ZBTB38: variants seen among roughly 807,000 people sequenced by gnomAD.
The protein encoded by ZBTB38 is zinc finger and BTB domain containing 38.
Under a neutral mutation model 76.8 loss-of-function variants are expected in ZBTB38, and 20 were observed. That is an observed-to-expected ratio of 0.26 (90% CI 0.18 to 0.38). The LOEUF (loss-of-function observed/expected upper bound fraction) is 0.38. Ranked by LOEUF, ZBTB38 falls within the 10% of genes least tolerant of loss-of-function variation. The pLI, the probability that ZBTB38 is intolerant of heterozygous loss-of-function variation, is 1.00. For synonymous variants in ZBTB38, 504 were observed against 544.2 expected (o/e 0.93, Z 1.03); for missense variants, 1,082 against 1,482.3 (o/e 0.73, Z 4.43).
At position 141,358,386 on chromosome 3, in the gene ZBTB38, C is replaced by G. The variant is rs558872686; in HGVS notation, c.-738-10235C>G. Among the ~76,000 whole-genome samples the G allele has an allele frequency of 3.3e-5, 5 of 152,216 alleles. No individual in the cohort carries two copies. In the South Asian group the frequency reaches 8.3e-4, roughly 25 times the overall value. On this transcript the variant is annotated intron_variant, in intron 1 of 7. Transcript: ENST00000509842. Reference sequence around the variant, plus strand: ...TGTGTCTGGAAGCCTTGCGATCTGTCCAATTGTCTGCCATATAGGGAAGTC... The same window carrying G: ...TGTGTCTGGAAGCCTTGCGATCTGTGCAATTGTCTGCCATATAGGGAAGTC...
At chr3:141,415,384 A>T (rs965578981) in intron 5 of ZBTB38, among the ~76,000 whole-genome samples, 6 of 152,106 alleles carry the variant, frequency 3.9e-5, no homozygotes, top group Non-Finnish European at 7.4e-5. Flanking sequence ...GGATGACTTG[A>T]CCAAAGAAAA....
chr3:141,442,918 A>G lies in ZBTB38; in HGVS notation c.530A>G (p.Asn177Ser). Residue 177 changes from asparagine (N) to serine (S), a missense_variant, in exon 6 of 6, where the codon AAT becomes AGT. By Grantham distance (46) the Asn-to-Ser change is conservative (BLOSUM62 1). Coordinates refer to ENST00000321464, the MANE Select transcript of ZBTB38 (RefSeq NM_001376113.1). This position sits in a 1 kb window ranked among gnomAD's most constrained non-coding sequence, Gnocchi z 6.4. ...AFSIIETENS[N>S]NMFSPLDLRA... ...TCCATCATCGAAACAGAAAATAGTA[A>G]TAACATGTTTTCCCCGCTGGACTTG... 6.2e-7 allele frequency: 1 copy of G among 1,614,256 alleles called. No individual in the cohort carries two copies.
chr3:141,417,941 G>A (rs2074444083), intron 5 of ZBTB38, among the ~76,000 whole-genome samples: 1 of 152,156 alleles, frequency 6.6e-6, no homozygotes, highest in Non-Finnish European at 1.5e-5. Flanking sequence ...TTGAACCCAG[G>A]AGGCAGAGGT....
intron 1 of ZBTB38, among the ~76,000 whole-genome samples, chr3:141,342,223 G>T (rs1236680426): frequency 3.3e-5 from 5 of 152,078 alleles, no homozygotes; most frequent in African/African-American, 9.6e-5. Context: ...TACTCAGGAG[G>T]CTGAGGCAGG....
chr3:141,397,196 C>T (rs909399081), intron 4 of ZBTB38, among the ~76,000 whole-genome samples: 2 of 152,216 alleles, frequency 1.3e-5, no homozygotes, highest in African/African-American at 4.8e-5. Flanking sequence ...CACATCAGCA[C>T]TTACTTCACT....
chr3:141,375,832 C>A (rs943998639), intron 2 of ZBTB38, among the ~76,000 whole-genome samples: 1 of 152,138 alleles, frequency 6.6e-6, no homozygotes, highest in Non-Finnish European at 1.5e-5. Flanking sequence ...AGGGGAGGTA[C>A]CTGCCCCAAG....
At chr3:141,404,404 G>A (rs900707834) in intron 5 of ZBTB38, among the ~76,000 whole-genome samples, 9 of 152,304 alleles carry the variant, frequency 5.9e-5, no homozygotes, top group Admixed American at 4.6e-4. Flanking sequence ...GTCAAGGCAG[G>A]ACTGGACCTT....
chr3:141,369,279 TA>T (rs1944193033), intron 1 of ZBTB38, among the ~76,000 whole-genome samples: 1 of 152,190 alleles, frequency 6.6e-6, no homozygotes, highest in African/African-American at 2.4e-5. Flanking sequence ...ACAGCCCTGG[TA>T]AAAAGATGTA....
chr3:141,432,889 T>A (rs755427887), intron 5 of ZBTB38, among the ~76,000 whole-genome samples: 4 of 152,244 alleles, frequency 2.6e-5, no homozygotes, highest in Non-Finnish European at 4.4e-5. Flanking sequence ...ATTACTGTGA[T>A]CAAGCTAACC....
intron 3 of ZBTB38, among the ~76,000 whole-genome samples, chr3:141,383,866 T>C (rs1242396292): frequency 6.6e-6 from 1 of 152,196 alleles, no homozygotes; most frequent in Non-Finnish European, 1.5e-5. Flanking sequence ...GATTTGCCTT[T>C]TAAATTAATG....
At position 141,426,274 on chromosome 3, in the gene ZBTB38, C is replaced by G; in HGVS notation, c.1-16115C>G. On this transcript the variant is annotated intron_variant, in intron 5 of 5. Transcript: ENST00000321464. ...AAAAGCACACCTGCCCAGACCCTGT[C>G]TCCCAAACCCTGGCTCAGTGTCAGT... 4 of 1,028,104 alleles carry G rather than the reference C, an allele frequency of 3.9e-6. No homozygotes were observed. The South Asian group carries it at 5.4e-5, about 14-fold the overall frequency. 63.7% of individuals were successfully genotyped at this position (1,028,104 alleles called of 1,614,324 possible).
intron 1 of ZBTB38, among the ~76,000 whole-genome samples, chr3:141,346,782 T>TTTTGTG (rs150173767): frequency 1.9e-4 from 27 of 144,558 alleles, no homozygotes; most frequent in Admixed American, 2.1e-4. Context: ...TTGTTTTGTT[T>TTTTGTG]TGTGTGTGTG....
intron 2 of ZBTB38, among the ~76,000 whole-genome samples, chr3:141,376,734 G>A (rs1455329497): frequency 1.3e-5 from 2 of 152,184 alleles, no homozygotes; most frequent in African/African-American, 4.8e-5. Flanking sequence ...GGCCAGGAAA[G>A]CCCATGTGGT....
Position 141,346,885 on chromosome 3 carries a change from T to C in ZBTB38, c.-738-21736T>C, listed in dbSNP as rs561374618. On this transcript the variant is annotated intron_variant, in intron 1 of 7. Transcript: ENST00000509842. ...TCACGTACCTGTACATTTCAGTCTC[T>C]GAAAGAAAGCACTGTCTACTACGAA... 5.3e-5 allele frequency among the ~76,000 whole-genome samples: 8 copies of C among 152,102 alleles called. No homozygotes were observed. The South Asian group carries it at 1.7e-3, about 32-fold the overall frequency.
chr3:141,377,546 T>C (rs1207405806), intron 2 of ZBTB38, among the ~76,000 whole-genome samples: 5 of 152,168 alleles, frequency 3.3e-5, no homozygotes, highest in African/African-American at 1.2e-4. Context: ...TGTTTGGCAG[T>C]TTCTTATAAA....
intron 5 of ZBTB38, among the ~76,000 whole-genome samples, chr3:141,439,060 C>G (rs188496877): frequency 3.3e-5 from 5 of 151,762 alleles, no homozygotes; most frequent in Non-Finnish European, 5.9e-5. Context: ...TCCAGGGCCT[C>G]TGTAAATAAT....
At chr3:141,406,934 G>C (rs888671001) in intron 5 of ZBTB38, among the ~76,000 whole-genome samples, 2 of 151,874 alleles carry the variant, frequency 1.3e-5, no homozygotes, top group Non-Finnish European at 2.9e-5. Context: ...AATATTAAGT[G>C]GTTTAATTTA....
intron 5 of ZBTB38, among the ~76,000 whole-genome samples, chr3:141,428,973 A>G (rs2076913159): frequency 6.6e-6 from 1 of 152,226 alleles, no homozygotes; most frequent in South Asian, 2.1e-4. Context: ...TTATAAACAT[A>G]TATCTTTTTA....
At chr3:141,374,931 A>G (rs1332313941) in intron 2 of ZBTB38, among the ~76,000 whole-genome samples, 2 of 152,216 alleles carry the variant, frequency 1.3e-5, no homozygotes, top group Non-Finnish European at 2.9e-5. Flanking sequence ...TCACATTAAA[A>G]TGCATGCTGC....
Sources: gnomAD v4.1 joint callset for allele counts (sites outside exome capture counted in the v4.1 genomes callset) on GRCh38, gnomAD v4.1.1 for gene constraint, Gnocchi (gnomAD v3.1) non-coding constraint, MANE v1.5 for transcripts, NCBI Gene and HGNC (gene_info 2026-07-23, HGNC 2026-07-21) for gene names.